DCC: variants seen among roughly 807,000 people sequenced by gnomAD.
DCC encodes the protein DCC netrin 1 receptor.
A neutral mutation model predicts 172.5 loss-of-function variants in DCC; 58 were observed. That is an observed-to-expected ratio of 0.34 (90% CI 0.27 to 0.42). DCC has a LOEUF of 0.42. Among genes scored for constraint, DCC ranks in the 10% least tolerant of loss-of-function variants. DCC has a pLI of 1.00. For synonymous variants in DCC, 709 were observed against 644.5 expected (o/e 1.10, Z -1.52); for missense variants, 1,740 against 1,791.0 (o/e 0.97, Z 0.51).
Position 53,428,195 on chromosome 18 carries a change from TATA to T in DCC, c.3164-6945_3164-6943del, listed in dbSNP as rs1201719976. 2.7e-4 allele frequency among the ~76,000 whole-genome samples: 8 copies of T among 29,582 alleles called. 1 individual carries two copies. The East Asian group carries it at 3.3e-3, about 12-fold the overall frequency. 19.4% of individuals were successfully genotyped at this position (29,582 alleles called of 152,430 possible). The stretch of plus-strand genomic sequence containing the variant: ...AATATGTAATATATAATATAGAATA[TATA>T]ATATTATATATAAGTATATATAATT... On this transcript the variant is annotated intron_variant, in intron 21 of 28. Transcript: ENST00000442544.
intron 28 of DCC, chr18:53,527,073 T>C: frequency 2.7e-6 from 1 of 371,882 alleles, no homozygotes; most frequent in Non-Finnish European, 5.1e-6. Context: ...CATATACACA[T>C]GATATACACA....
chr18:53,353,425 A>G (rs1259036225), intron 15 of DCC, among the ~76,000 whole-genome samples: 1 of 151,338 alleles, frequency 6.6e-6, no homozygotes, highest in African/African-American at 2.4e-5. Flanking sequence ...AGATAAATAA[A>G]TATCCTTTAA....
At chr18:52,828,334 G>A (rs2038550248) in intron 2 of DCC, among the ~76,000 whole-genome samples, 1 of 152,114 alleles carries the variant, frequency 6.6e-6, no homozygotes, top group Non-Finnish European at 1.5e-5. Flanking sequence ...GACCTGATTA[G>A]GTTCTGATTG....
At chr18:52,388,200 A>AT (rs551070522) in intron 1 of DCC, among the ~76,000 whole-genome samples, 15 of 147,776 alleles carry the variant, frequency 1.0e-4, no homozygotes, top group African/African-American at 1.5e-4. Context: ...CAACTTCTCT[A>AT]TTTTTTTTTT....
chr18:52,728,935 T>C (rs2036594152), intron 1 of DCC, among the ~76,000 whole-genome samples: 1 of 152,162 alleles, frequency 6.6e-6, no homozygotes, highest in African/African-American at 2.4e-5. Flanking sequence ...GAGAAGTGAT[T>C]AGAAATATTA....
chr18:52,784,397 T>G (rs1359445766), intron 2 of DCC, among the ~76,000 whole-genome samples: 1 of 152,130 alleles, frequency 6.6e-6, no homozygotes, highest in Non-Finnish European at 1.5e-5. Context: ...ATCTCTTTGA[T>G]GTACCGATTC....
chr18:52,496,274 C>T (rs913402114), intron 1 of DCC, among the ~76,000 whole-genome samples: 3 of 151,982 alleles, frequency 2.0e-5, no homozygotes, highest in Non-Finnish European at 4.4e-5. Context: ...TTTTGTGCTG[C>T]AGTTAGCAAT....
chr18:53,469,379 G>A (rs1234811520), intron 25 of DCC, among the ~76,000 whole-genome samples: 1 of 152,194 alleles, frequency 6.6e-6, no homozygotes, highest in African/African-American at 2.4e-5. Context: ...ATTTGGAAAT[G>A]ACACTGTATT....
chr18:52,661,253 G>A (rs1035607962), intron 1 of DCC, among the ~76,000 whole-genome samples: 16 of 152,148 alleles, frequency 1.1e-4, no homozygotes, highest in Non-Finnish European at 2.2e-4. Context: ...GAATAAGACA[G>A]AAAACAGGTG....
chr18:53,464,979 CAAAAAA>C (rs71179510), intron 24 of DCC, among the ~76,000 whole-genome samples: 1 of 54,840 alleles, frequency 1.8e-5, no homozygotes. Context: ...AACTCAATCT[CAAAAAA>C]AAAAAAAAAA....
intron 12 of DCC, among the ~76,000 whole-genome samples, chr18:53,298,633 A>G (rs2057097888): frequency 6.6e-6 from 1 of 151,276 alleles, no homozygotes; most frequent in African/African-American, 2.4e-5. Context: ...TCTTGTTCTA[A>G]GGTTTAATAT....
At chr18:52,518,237 T>C (rs746692534) in intron 1 of DCC, among the ~76,000 whole-genome samples, 2 of 152,132 alleles carry the variant, frequency 1.3e-5, no homozygotes, top group Non-Finnish European at 2.9e-5. Context: ...TGAGTAAATA[T>C]GGGATGTTGA....
At chr18:52,975,484 T>C (rs1361633241) in intron 5 of DCC, among the ~76,000 whole-genome samples, 2 of 152,176 alleles carry the variant, frequency 1.3e-5, no homozygotes, top group African/African-American at 2.4e-5. Context: ...ACCCATTAGT[T>C]GCTTTTCCTG....
At chr18:52,758,611 C>G (rs1207832020) in intron 2 of DCC, among the ~76,000 whole-genome samples, 1 of 151,410 alleles carries the variant, frequency 6.6e-6, no homozygotes, top group Non-Finnish European at 1.5e-5. Flanking sequence ...GTGAGAGAAG[C>G]TAGAATGAAG....
intron 1 of DCC, among the ~76,000 whole-genome samples, chr18:52,508,915 C>G (rs2031331143): frequency 6.6e-6 from 1 of 152,208 alleles, no homozygotes; most frequent in Non-Finnish European, 1.5e-5. Flanking sequence ...ATTTGCACTG[C>G]CAAGCACAGT....
At chr18:53,204,603 T>A (rs1048245608) in intron 9 of DCC, among the ~76,000 whole-genome samples, 1 of 151,976 alleles carries the variant, frequency 6.6e-6, no homozygotes, top group Non-Finnish European at 1.5e-5. Flanking sequence ...TGCTGTCTAA[T>A]TTCATTAGCA....
intron 14 of DCC, among the ~76,000 whole-genome samples, chr18:53,335,007 C>T (rs186115759): frequency 2.0e-4 from 30 of 152,114 alleles, no homozygotes; most frequent in South Asian, 6.2e-4. Context: ...CTTGAGGGAC[C>T]CTTATATGGT....
At chr18:53,174,744 G>A (rs1300943669) in intron 8 of DCC, among the ~76,000 whole-genome samples, 4 of 146,906 alleles carry the variant, frequency 2.7e-5, no homozygotes, top group Admixed American at 1.4e-4. Context: ...TTCTACCAGA[G>A]GTACAAGGAG....
intron 25 of DCC, among the ~76,000 whole-genome samples, chr18:53,480,602 A>C (rs1269371648): frequency 6.6e-6 from 1 of 152,144 alleles, no homozygotes; most frequent in Non-Finnish European, 1.5e-5. Context: ...TTTTGGATGG[A>C]TCTGTTGCAG....
Sources: gnomAD v4.1 joint callset for allele counts (sites outside exome capture counted in the v4.1 genomes callset) on GRCh38, gnomAD v4.1.1 for gene constraint, MANE v1.5 for transcripts, NCBI Gene and HGNC (gene_info 2026-07-23, HGNC 2026-07-21) for gene names.